PCSK5: variants seen among roughly 807,000 people sequenced by gnomAD.
PCSK5 encodes the protein prohormone convertase 5.
Under a neutral mutation model 233.2 loss-of-function variants are expected in PCSK5, and 129 were observed. The ratio of observed to expected loss-of-function variants is 0.55; its 90% CI spans 0.48 to 0.64. The LOEUF (loss-of-function observed/expected upper bound fraction) is 0.64. Ranked by LOEUF, PCSK5 falls within the 30% of genes least tolerant of loss-of-function variation. PCSK5 has a pLI of 0.00. For synonymous variants in PCSK5, 825 were observed against 879.2 expected (o/e 0.94, Z 1.09); for missense variants, 2,076 against 2,430.1 (o/e 0.85, Z 3.06).
Position 76,162,462 on chromosome 9 carries a change from G to A in PCSK5, c.1619+3291G>A, listed in dbSNP as rs73458345. Among the ~76,000 whole-genome samples, 721 of 152,154 alleles carry A rather than the reference G, an allele frequency of 4.7e-3. 5 individuals are homozygous for A. The highest frequency in any genetic ancestry group is 0.017 in the African/African-American group (689 of 41,502). On this transcript the variant is annotated intron_variant, in intron 12 of 37. Coordinates refer to ENST00000674117, the MANE Select transcript of PCSK5 (RefSeq NM_001372043.1). Reference sequence around the variant, plus strand: ...TGGGAACAAGGGCACAGAAAGGGGTGGAGAGGAGGTGAAGCAAAGGCCTGC... The same window carrying A: ...TGGGAACAAGGGCACAGAAAGGGGTAGAGAGGAGGTGAAGCAAAGGCCTGC...
chr9:75,933,914 A>G (rs1349731192), intron 2 of PCSK5, among the ~76,000 whole-genome samples: 2 of 152,182 alleles, frequency 1.3e-5, no homozygotes, highest in African/African-American at 4.8e-5. Context: ...CCTCATGTAC[A>G]AAATCAATGT....
chr9:76,206,515 GC>G (rs1290736426), intron 20 of PCSK5, among the ~76,000 whole-genome samples: 2 of 152,200 alleles, frequency 1.3e-5, no homozygotes, highest in African/African-American at 4.8e-5. Context: ...TAACAGGGCT[GC>G]TATAGGAACA....
intron 9 of PCSK5, among the ~76,000 whole-genome samples, chr9:76,131,941 T>C (rs1004420838): frequency 1.3e-4 from 20 of 152,144 alleles, no homozygotes; most frequent in African/African-American, 4.3e-4. Context: ...AGTGTATTCT[T>C]TGGTATCTCA....
chr9:76,105,261 A>G (rs1035411980), intron 8 of PCSK5, among the ~76,000 whole-genome samples: 25 of 152,368 alleles, frequency 1.6e-4, no homozygotes, highest in African/African-American at 5.8e-4. Flanking sequence ...ACATTATGCT[A>G]CATGAGATAA....
Position 76,359,157 on chromosome 9 carries a change from A to C in PCSK5, c.*235A>C. The C allele has an allele frequency of 1.9e-6, 1 of 516,584 alleles. No homozygotes were observed. Among genetic ancestry groups the C allele is most frequent in the Non-Finnish European group, 3.5e-6 (1 of 288,462 alleles). 32.0% of individuals were successfully genotyped at this position (516,584 alleles called of 1,614,324 possible). On this transcript the variant is annotated 3_prime_UTR_variant, in exon 38 of 38. Coordinates refer to ENST00000674117, the MANE Select transcript of PCSK5 (RefSeq NM_001372043.1). ...TAATTGAAGAGCAAGGATAAAATTCAGAGGCATTTTCCTCAAAATAATGTG... is the reference window on the plus strand; with the variant it reads ...TAATTGAAGAGCAAGGATAAAATTCCGAGGCATTTTCCTCAAAATAATGTG...
At chr9:75,966,051 C>G (rs1825570193) in intron 2 of PCSK5, among the ~76,000 whole-genome samples, 1 of 152,182 alleles carries the variant, frequency 6.6e-6, no homozygotes. Flanking sequence ...GTGCAAGGAT[C>G]AACACACTTC....
intron 2 of PCSK5, among the ~76,000 whole-genome samples, chr9:75,979,143 G>A (rs888293340): frequency 2.0e-5 from 3 of 151,760 alleles, no homozygotes; most frequent in African/African-American, 7.3e-5. Context: ...GTCCACCCTG[G>A]GACACTTTTT....
At position 76,159,122 on chromosome 9, in the gene PCSK5, A is replaced by G; in HGVS notation, c.1570A>G (p.Ile524Val). Reference sequence around the variant, plus strand: ...CCACCCCAGGAGAGGAGACCTGGCCATCTACCTGACCTCGCCCTCTGGAAC... The same window carrying G: ...CCACCCCAGGAGAGGAGACCTGGCCGTCTACCTGACCTCGCCCTCTGGAAC... ...ITHPRRGDLA[I>V]YLTSPSGTRS... The change falls in exon 12 of 38, where the codon ATC becomes GTC. Residue 524 changes from isoleucine to valine, a missense_variant. This residue lies in a region of PCSK5 where 50 missense variants were observed against 104.7 expected (regional missense o/e 0.48). Coordinates refer to ENST00000674117, the MANE Select transcript of PCSK5 (RefSeq NM_001372043.1). 1 of 1,614,144 alleles carries G rather than the reference A, an allele frequency of 6.2e-7. No homozygotes were observed. Among genetic ancestry groups the G allele is most frequent in the Non-Finnish European group, 8.5e-7 (1 of 1,180,008 alleles).
intron 24 of PCSK5, chr9:76,286,539 C>A: frequency 6.4e-6 from 1 of 155,850 alleles, no homozygotes; most frequent in Non-Finnish European, 1.4e-5. Flanking sequence ...CTCTGAGGGT[C>A]CTGAGAAAGA....
In PCSK5 at chr9:76,179,355, A is replaced by G. The variant is rs189529312; in HGVS notation, c.1901-241A>G. On this transcript the variant is annotated intron_variant, in intron 14 of 37. Coordinates refer to ENST00000674117, the MANE Select transcript of PCSK5 (RefSeq NM_001372043.1). Reference sequence around the variant, plus strand: ...GGCAGCCATATATGCTTTGAAGACCAGGCCATGACTAGAATTTACATTCTT... The same window carrying G: ...GGCAGCCATATATGCTTTGAAGACCGGGCCATGACTAGAATTTACATTCTT... 7.4e-4 allele frequency among the ~76,000 whole-genome samples: 113 copies of G among 152,302 alleles called. 1 individual carries two copies. Among genetic ancestry groups the G allele is most frequent in the Admixed American group, 5.9e-3 (91 of 15,296 alleles).
intron 35 of PCSK5, among the ~76,000 whole-genome samples, chr9:76,345,594 A>T (rs537259090): frequency 3.4e-5 from 5 of 147,990 alleles, no homozygotes; most frequent in Admixed American, 2.7e-4. Flanking sequence ...AATTTTTTTT[A>T]AATATTTTTA....
chr9:76,248,925 C>A (rs1202610469), intron 24 of PCSK5, among the ~76,000 whole-genome samples: 2 of 152,164 alleles, frequency 1.3e-5, no homozygotes, highest in African/African-American at 4.8e-5. Flanking sequence ...CACTATTAGC[C>A]TGGACTAATT....
chr9:75,891,874 C>T, intron 1 of PCSK5, among the ~76,000 whole-genome samples: 1 of 151,974 alleles, frequency 6.6e-6, no homozygotes, highest in Non-Finnish European at 1.5e-5. Flanking sequence ...GGCGAGAGAA[C>T]CTCTGGCGCT....
chr9:76,011,219 G>A (rs190154880), intron 3 of PCSK5, among the ~76,000 whole-genome samples: 33 of 152,294 alleles, frequency 2.2e-4, no homozygotes, highest in African/African-American at 6.3e-4. Context: ...TCACCAGGTC[G>A]AAGAGGCAAT....
rs7861583 is a variant in PCSK5 at position 76,278,142 on chromosome 9, G to A, written c.3143-14091G>A. Among the ~76,000 whole-genome samples the A allele has an allele frequency of 1.9e-3, 286 of 152,282 alleles. 2 individuals carry two copies. Among genetic ancestry groups the A allele is most frequent in the African/African-American group, 6.3e-3 (260 of 41,558 alleles). ...GCTGCAGGTGCTCATATAGAGACTTGTTTAAGAATGCTTGGCCCCACTGAA... is the reference window on the plus strand; with the variant it reads ...GCTGCAGGTGCTCATATAGAGACTTATTTAAGAATGCTTGGCCCCACTGAA... On this transcript the variant is annotated intron_variant, in intron 24 of 37. Transcript: ENST00000674117.
At chr9:76,357,850 GT>G (rs1162154264) in intron 37 of PCSK5, among the ~76,000 whole-genome samples, 1 of 152,210 alleles carries the variant, frequency 6.6e-6, no homozygotes, top group African/African-American at 2.4e-5. Flanking sequence ...AGAGTCAGTA[GT>G]TTTATAAATT....
intron 3 of PCSK5, among the ~76,000 whole-genome samples, chr9:76,010,568 T>C (rs888805710): frequency 1.1e-4 from 17 of 152,282 alleles, no homozygotes; most frequent in African/African-American, 4.1e-4. Context: ...CTGAGCAGCT[T>C]TTTGGATCTC....
chr9:76,033,520 C>T (rs930597720), intron 5 of PCSK5, among the ~76,000 whole-genome samples: 2 of 151,816 alleles, frequency 1.3e-5, no homozygotes, highest in Admixed American at 6.6e-5. Flanking sequence ...ATTTACATAA[C>T]GTGGACTACA....
At chr9:76,131,435 G>T (rs575606711) in intron 9 of PCSK5, among the ~76,000 whole-genome samples, 1 of 152,128 alleles carries the variant, frequency 6.6e-6, no homozygotes, top group South Asian at 2.1e-4. Flanking sequence ...CATTTCTGAA[G>T]TTGTGCATTA....
Sources: allele counts gnomAD v4.1 joint callset (sites outside exome capture counted in the v4.1 genomes callset), GRCh38; gene constraint gnomAD v4.1.1; regional missense constraint gnomAD v4.1.1; transcripts MANE v1.5; gene names NCBI Gene and HGNC (gene_info 2026-07-23, HGNC 2026-07-21).